Variants in AGBL4 observed in about 807,000 individuals in gnomAD.
AGBL4 encodes AGBL carboxypeptidase 4.
In AGBL4, 58 loss-of-function variants were observed where a neutral mutation model predicts 66.4. That is an observed-to-expected ratio of 0.87 (90% CI 0.71 to 1.09). The LOEUF (loss-of-function observed/expected upper bound fraction) is 1.09. Among genes scored for constraint, AGBL4 ranks in the 50% least tolerant of loss-of-function variants. AGBL4 has a pLI of 0.00. For synonymous variants in AGBL4, 234 were observed against 222.9 expected (o/e 1.05, Z -0.44); for missense variants, 579 against 631.0 (o/e 0.92, Z 0.88).
At chr1:49,398,235 C>T (rs986938649) in intron 3 of AGBL4, among the ~76,000 whole-genome samples, 2 of 152,068 alleles carry the variant, frequency 1.3e-5, no homozygotes, top group Non-Finnish European at 2.9e-5. Context: ...ATGTTCTGCC[C>T]TCAGCAATGT....
At chr1:48,817,846 C>G (rs1272751349) in intron 6 of AGBL4, 2 of 594,456 alleles carry the variant, frequency 3.4e-6, no homozygotes, top group African/African-American at 3.7e-5. Context: ...CAGCTCATAC[C>G]CCTTCCCAGT....
intron 5 of AGBL4, among the ~76,000 whole-genome samples, chr1:48,904,466 G>T (rs1428197177): frequency 6.6e-6 from 1 of 152,198 alleles, no homozygotes; most frequent in Non-Finnish European, 1.5e-5. Context: ...TTATTTGACA[G>T]TTTAAGACAA....
intron 5 of AGBL4, among the ~76,000 whole-genome samples, chr1:48,885,802 A>C (rs1438320763): frequency 6.6e-6 from 1 of 152,122 alleles, no homozygotes; most frequent in Non-Finnish European, 1.5e-5. Flanking sequence ...TGCTGGTTAT[A>C]CCACCATCTT....
intron 3 of AGBL4, among the ~76,000 whole-genome samples, chr1:49,649,609 A>G (rs1645961513): frequency 6.6e-6 from 1 of 152,156 alleles, no homozygotes; most frequent in African/African-American, 2.4e-5. Context: ...AACAATCAAT[A>G]TAATGGACCA....
intron 3 of AGBL4, among the ~76,000 whole-genome samples, chr1:49,254,961 T>C (rs1217549998): frequency 1.3e-5 from 2 of 152,188 alleles, no homozygotes; most frequent in Non-Finnish European, 1.5e-5. Context: ...GCCAGCCATA[T>C]GTAGAAGATT....
chr1:48,918,014 G>T (rs923086577), intron 5 of AGBL4, among the ~76,000 whole-genome samples: 3 of 152,214 alleles, frequency 2.0e-5, no homozygotes, highest in African/African-American at 7.2e-5. Context: ...GCTCCGTGAT[G>T]AGTCAAGGGT....
intron 5 of AGBL4, among the ~76,000 whole-genome samples, chr1:48,877,260 T>G (rs2148837113): frequency 6.6e-6 from 1 of 152,296 alleles, no homozygotes; most frequent in East Asian, 1.9e-4. Context: ...AATATTTAGT[T>G]CGTAATTAGT....
intron 2 of AGBL4, among the ~76,000 whole-genome samples, chr1:49,700,778 A>C (rs1647075632): frequency 6.6e-6 from 1 of 152,172 alleles, no homozygotes; most frequent in South Asian, 2.1e-4. Flanking sequence ...CCATACATGC[A>C]CATACATATA....
intron 3 of AGBL4, among the ~76,000 whole-genome samples, chr1:49,536,958 G>A (rs1170900172): frequency 1.3e-5 from 2 of 151,162 alleles, no homozygotes; most frequent in Non-Finnish European, 2.9e-5. Context: ...AGTGAGCCAA[G>A]ATCATGCCAT....
intron 6 of AGBL4, among the ~76,000 whole-genome samples, chr1:48,685,381 C>T (rs1421053551): frequency 6.6e-6 from 1 of 152,124 alleles, no homozygotes; most frequent in Non-Finnish European, 1.5e-5. Flanking sequence ...CTCACTTGTC[C>T]CTTCTTAGGA....
At chr1:49,609,335 A>C (rs370373075) in intron 3 of AGBL4, among the ~76,000 whole-genome samples, 2 of 152,178 alleles carry the variant, frequency 1.3e-5, no homozygotes, top group East Asian at 3.8e-4. Context: ...AAAATCACCA[A>C]CAAATAATTA....
At chr1:48,600,856 A>G in intron 9 of AGBL4, among the ~76,000 whole-genome samples, 1 of 152,210 alleles carries the variant, frequency 6.6e-6, no homozygotes. Flanking sequence ...GTCTCTTACA[A>G]TCTGACTCTA....
Position 49,240,818 on chromosome 1 carries a change from G to A in AGBL4, c.377+4952C>T, listed in dbSNP as rs539101268. ...ACTACCTACCTGACATCTCTGCTTG[G>A]ATGCTTTCCAGACACTTCTAGCTTA... On this transcript the variant is annotated intron_variant, in intron 4 of 13. Coordinates refer to ENST00000371839, the MANE Select transcript of AGBL4 (RefSeq NM_032785.4). Among the ~76,000 whole-genome samples, 9 of 151,618 alleles carry A rather than the reference G, an allele frequency of 5.9e-5. No homozygotes were observed. The South Asian group carries it at 1.9e-3, about 32-fold the overall frequency.
At chr1:48,922,980 ATAG>A (rs1352918265) in intron 5 of AGBL4, among the ~76,000 whole-genome samples, 1 of 151,326 alleles carries the variant, frequency 6.6e-6, no homozygotes, top group East Asian at 1.9e-4. Context: ...CAGCATATTA[ATAG>A]TAGTTATCTT....
At chr1:48,725,958 A>C (rs1033810398) in intron 6 of AGBL4, among the ~76,000 whole-genome samples, 1 of 152,066 alleles carries the variant, frequency 6.6e-6, no homozygotes, top group East Asian at 1.9e-4. Context: ...GGTCTTTTTT[A>C]TTTATAGAGC....
intron 9 of AGBL4, among the ~76,000 whole-genome samples, chr1:48,617,500 C>CT (rs1303004961): frequency 6.6e-6 from 1 of 152,176 alleles, no homozygotes; most frequent in East Asian, 1.9e-4. Context: ...GACCACTTTT[C>CT]TTTTTTTAAT....
intron 6 of AGBL4, among the ~76,000 whole-genome samples, chr1:48,704,560 TAA>T (rs1370667066): frequency 2.0e-5 from 3 of 152,198 alleles, no homozygotes. Flanking sequence ...TTAAAATTGT[TAA>T]GTTTTTTTTA....
intron 6 of AGBL4, among the ~76,000 whole-genome samples, chr1:48,685,805 A>G (rs1207384963): frequency 6.6e-6 from 1 of 152,202 alleles, no homozygotes; most frequent in African/African-American, 2.4e-5. Context: ...ATTAAATAAA[A>G]TCTACCTCCC....
rs143613319 is a variant in AGBL4 at position 49,725,513 on chromosome 1, G to A, written c.158-28076C>T. 8.1e-3 allele frequency among the ~76,000 whole-genome samples: 1,235 copies of A among 152,172 alleles called. 12 individuals are homozygous for A. Among genetic ancestry groups the A allele is most frequent in the Admixed American group, 0.01 (159 of 15,264 alleles). On this transcript the variant is annotated intron_variant, in intron 2 of 13. Transcript: ENST00000371839. ...CTGTCCAGCTCTGCTTTAGGCTGTA[G>A]GTAGGCTGTGGTTGGCTCTAGGATG...
Sources: gnomAD v4.1 joint callset for allele counts (sites outside exome capture counted in the v4.1 genomes callset) on GRCh38, gnomAD v4.1.1 for gene constraint, MANE v1.5 for transcripts, NCBI Gene and HGNC (gene_info 2026-07-23, HGNC 2026-07-21) for gene names.